The following ACACA variants were observed in gnomAD, a reference collection of about 807,000 sequenced individuals.
The protein encoded by ACACA is acetyl-CoA carboxylase alpha, also known as acetyl-CoA carboxylase 1.
Under a neutral mutation model 296.1 loss-of-function variants are expected in ACACA, and 103 were observed. The observed-to-expected ratio is 0.35, with a 90% CI of 0.30 to 0.41. The LOEUF (loss-of-function observed/expected upper bound fraction) is 0.41, where lower values mean the gene tolerates loss of function less well. ACACA is among the 10% of genes least tolerant of loss of function. The pLI is 1.00. For missense variants in ACACA, 1,554 were observed against 2,989.7 expected, an observed-to-expected ratio of 0.52 and a Z score of 11.20; for synonymous variants, 953 against 1,038.6, an observed-to-expected ratio of 0.92 and a Z score of 1.58.
chr17:37,086,809 A>G lies in ACACA; in HGVS notation c.*507T>C, dbSNP rs752652228. ...TGGGAATCATTCCTCTCCAGTGCCT[A>G]CTGTGTGCTGGGCTAAGAGTCGGGG... On this transcript the variant is annotated 3_prime_UTR_variant, in exon 56 of 56. Coordinates refer to ENST00000616317, the MANE Select transcript of ACACA (RefSeq NM_198834.3). 2 of 196,844 alleles carry G rather than the reference A, an allele frequency of 1.0e-5. No homozygotes were observed. Among genetic ancestry groups the G allele is most frequent in the East Asian group, 2.4e-4 (2 of 8,172 alleles). The allele number at this position is 196,844 out of a possible 1,614,324, so 12.2% of individuals were successfully genotyped here.
rs147559334 is a variant in ACACA at position 37,142,727 on chromosome 17, C to A, written c.5679+7137G>T. The stretch of plus-strand genomic sequence containing the variant: ...GGGACTCTTGTAGACAGATGACTGA[C>A]ATATATACTACCCTGTCACGACTGA... On this transcript the variant is annotated intron_variant, in intron 45 of 55. Transcript: ENST00000616317. Among the ~76,000 whole-genome samples, 233 of 152,296 alleles carry A rather than the reference C, an allele frequency of 1.5e-3. 2 individuals are homozygous for A. Among genetic ancestry groups the A allele is most frequent in the African/African-American group, 5.3e-3 (222 of 41,558 alleles).
chr17:37,289,219 G>A (rs550992970), intron 3 of ACACA, among the ~76,000 whole-genome samples: 6 of 151,124 alleles, frequency 4.0e-5, no homozygotes, highest in East Asian at 2.0e-4. Flanking sequence ...CCAAGATCAC[G>A]CCACTGCACT....
At chr17:37,343,424 G>A (rs1250139090) in intron 1 of ACACA, among the ~76,000 whole-genome samples, 1 of 152,112 alleles carries the variant, frequency 6.6e-6, no homozygotes, top group Non-Finnish European at 1.5e-5. Context: ...AAGTATCCAA[G>A]CTTTTACAAC....
intron 1 of ACACA, among the ~76,000 whole-genome samples, chr17:37,381,465 C>T (rs1312688433): frequency 2.0e-5 from 3 of 151,862 alleles, no homozygotes; most frequent in South Asian, 4.1e-4. Context: ...GGATTACAAG[C>T]GTTAGCCACT....
chr17:37,299,633 G>C (rs1042635682), intron 3 of ACACA: 2 of 1,156,006 alleles, frequency 1.7e-6, no homozygotes, highest in Non-Finnish European at 2.1e-6. Flanking sequence ...GAGGAGCCGG[G>C]GAGAAATATA....
intron 33 of ACACA, among the ~76,000 whole-genome samples, chr17:37,200,999 T>C (rs2078221284): frequency 6.6e-6 from 1 of 152,226 alleles, no homozygotes; most frequent in Non-Finnish European, 1.5e-5. Flanking sequence ...AACCTTTCAG[T>C]TTTGATACAA....
intron 3 of ACACA, among the ~76,000 whole-genome samples, chr17:37,301,971 TATTTA>T (rs2083638963): frequency 6.6e-6 from 1 of 152,118 alleles, no homozygotes; most frequent in South Asian, 2.1e-4. Context: ...ATTTAGATTT[TATTTA>T]ATTTCTTTTT....
intron 1 of ACACA, among the ~76,000 whole-genome samples, chr17:37,343,458 G>GT (rs1466896322): frequency 2.0e-5 from 3 of 152,006 alleles, no homozygotes; most frequent in Admixed American, 2.0e-4. Flanking sequence ...TCAAGTCATA[G>GT]TAAGTTCACT....
rs1329096505 is a variant in ACACA at position 37,226,390 on chromosome 17, T to C, written c.3309A>G (p.Leu1103=). Residue 1103 remains leucine, a synonymous_variant, in exon 26 of 56, where the codon CTA becomes CTG. Coordinates refer to ENST00000616317, the MANE Select transcript of ACACA (RefSeq NM_198834.3). ...CATTGGTGGTCTTACTGAGTTGAGT[T>C]AGCTCTGTGAGAATATTCAGCAGCT... is the stretch of plus-strand genomic sequence containing the variant. The part of the protein sequence containing the change: ...TDELLNILTE[L]TQLSKTTNAK... The C allele has an allele frequency of 1.9e-6, 3 of 1,614,182 alleles. No homozygotes were observed. Among genetic ancestry groups the C allele is most frequent in the Non-Finnish European group, 1.7e-6 (2 of 1,180,018 alleles).
intron 1 of ACACA, among the ~76,000 whole-genome samples, chr17:37,374,689 A>C (rs1180360109): frequency 6.6e-6 from 1 of 152,120 alleles, no homozygotes; most frequent in African/African-American, 2.4e-5. Context: ...CTTCAACAAC[A>C]GTTATCTGTC....
chr17:37,363,997 G>A (rs1256801792), intron 1 of ACACA, among the ~76,000 whole-genome samples: 5 of 151,948 alleles, frequency 3.3e-5, no homozygotes, highest in African/African-American at 7.3e-5. Context: ...GGTGGCAGGC[G>A]CCTGTAATCC....
intron 1 of ACACA, chr17:37,368,671 T>G (rs563560716): frequency 5.3e-5 from 8 of 152,322 alleles, no homozygotes; most frequent in African/African-American, 1.7e-4. Flanking sequence ...TCAGGGACCT[T>G]GGGATATTAT....
intron 1 of ACACA, chr17:37,389,471 T>C: frequency 7.0e-7 from 1 of 1,428,394 alleles, no homozygotes; most frequent in Non-Finnish European, 9.3e-7. Flanking sequence ...CTGAGGCAGG[T>C]GGATCACCTG....
At position 37,265,613 on chromosome 17, in the gene ACACA, T is replaced by A. The variant is rs544520912; in HGVS notation, c.1120-1719A>T. 1.8e-4 allele frequency among the ~76,000 whole-genome samples: 27 copies of A among 152,244 alleles called. No homozygotes were observed. The South Asian group carries it at 5.6e-3, about 32-fold the overall frequency. ...AGACTGCTGTTCAAAGAGGAGGAAA[T>A]AGGAGGTACATAGTAGTCATTGGTC... On this transcript the variant is annotated intron_variant, in intron 10 of 55. Coordinates refer to ENST00000616317, the MANE Select transcript of ACACA (RefSeq NM_198834.3).
chr17:37,211,309 T>G (rs1160645704), intron 29 of ACACA, among the ~76,000 whole-genome samples: 1 of 152,232 alleles, frequency 6.6e-6, no homozygotes, highest in African/African-American at 2.4e-5. Context: ...CAGAACTTCC[T>G]TATAAAGAAT....
intron 50 of ACACA, among the ~76,000 whole-genome samples, chr17:37,116,694 C>A (rs558602468): frequency 1.3e-5 from 2 of 152,176 alleles, no homozygotes; most frequent in African/African-American, 4.8e-5. Flanking sequence ...ACTCTGTAAT[C>A]GACATGCTCA....
At chr17:37,145,987 G>A (rs966095440) in intron 45 of ACACA, among the ~76,000 whole-genome samples, 3 of 152,138 alleles carry the variant, frequency 2.0e-5, no homozygotes, top group African/African-American at 7.2e-5. Flanking sequence ...ATACGAAGGT[G>A]GGAAGCACTT....
chr17:37,087,939 G>A (rs905617398), intron 55 of ACACA, among the ~76,000 whole-genome samples: 16 of 152,196 alleles, frequency 1.1e-4, no homozygotes, highest in African/African-American at 3.9e-4. Context: ...TACTTGCATG[G>A]CCTTAAAATG....
At chr17:37,199,325 T>C (rs1248600241) in intron 35 of ACACA, among the ~76,000 whole-genome samples, 1 of 152,098 alleles carries the variant, frequency 6.6e-6, no homozygotes, top group East Asian at 1.9e-4. Flanking sequence ...TCAATTTTTA[T>C]GAAATATTTT....
Sources: allele counts gnomAD v4.1 joint callset (sites outside exome capture counted in the v4.1 genomes callset), GRCh38; gene constraint gnomAD v4.1.1; transcripts MANE v1.5; gene names NCBI Gene and HGNC (gene_info 2026-07-23, HGNC 2026-07-21).